RNF150: variants seen among roughly 807,000 people sequenced by gnomAD.
RNF150 encodes ring finger protein 150.
Under a neutral mutation model 39.3 loss-of-function variants are expected in RNF150, and 24 were observed. The ratio of observed to expected loss-of-function variants is 0.61; its 90% CI spans 0.44 to 0.86. The LOEUF is 0.86. RNF150 is among the 40% of genes least tolerant of loss of function. The pLI is 0.00. For synonymous variants in RNF150, 255 were observed against 227.3 expected (o/e 1.12, Z -1.10); for missense variants, 502 against 587.8 (o/e 0.85, Z 1.51).
At chr4:141,205,350 A>G (rs2111223110) in intron 1 of RNF150, among the ~76,000 whole-genome samples, 1 of 152,310 alleles carries the variant, frequency 6.6e-6, no homozygotes, top group African/African-American at 2.4e-5. Flanking sequence ...CTTTCAGGCT[A>G]TTATAAATCT....
At chr4:141,086,802 T>C (rs1444300885) in intron 1 of RNF150, among the ~76,000 whole-genome samples, 1 of 151,782 alleles carries the variant, frequency 6.6e-6, no homozygotes, top group Non-Finnish European at 1.5e-5. Context: ...TAAATAGAAT[T>C]GACACTTCCT....
intron 1 of RNF150, among the ~76,000 whole-genome samples, chr4:141,064,864 T>C (rs893441055): frequency 5.9e-5 from 9 of 152,020 alleles, no homozygotes; most frequent in African/African-American, 2.2e-4. Context: ...TGACAATTTT[T>C]GTTTGTTTGT....
intron 1 of RNF150, among the ~76,000 whole-genome samples, chr4:141,113,499 G>A (rs1739457486): frequency 6.6e-6 from 1 of 152,036 alleles, no homozygotes. Flanking sequence ...CCCATTACAG[G>A]AACACCCAGA....
At chr4:141,057,566 C>T (rs746846103) in intron 1 of RNF150, among the ~76,000 whole-genome samples, 50 of 152,018 alleles carry the variant, frequency 3.3e-4, no homozygotes, top group Admixed American at 1.2e-3. Context: ...CCTCCGAGTC[C>T]CCAAAGTCCA....
intron 5 of RNF150, among the ~76,000 whole-genome samples, chr4:140,920,020 G>C (rs548772062): frequency 6.6e-6 from 1 of 151,936 alleles, no homozygotes; most frequent in African/African-American, 2.4e-5. Context: ...TCCTTACGTC[G>C]TATACAAAAA....
intron 1 of RNF150, among the ~76,000 whole-genome samples, chr4:141,116,416 A>G (rs984472717): frequency 6.6e-6 from 1 of 152,376 alleles, no homozygotes; most frequent in Non-Finnish European, 1.5e-5. Context: ...TCATTAGAGG[A>G]ATGCAAATCA....
intron 1 of RNF150, among the ~76,000 whole-genome samples, chr4:141,084,606 T>TTC (rs1488941450): frequency 6.6e-6 from 1 of 152,218 alleles, no homozygotes; most frequent in Admixed American, 6.5e-5. Context: ...ACGCGCAGGC[T>TTC]TCTGATCAGC....
At chr4:141,185,279 C>T (rs879395291) in intron 1 of RNF150, among the ~76,000 whole-genome samples, 1 of 151,982 alleles carries the variant, frequency 6.6e-6, no homozygotes, top group Admixed American at 6.6e-5. Flanking sequence ...GTATTTTATT[C>T]TCTTTGTAGC....
At chr4:141,137,724 T>G (rs964609099), upstream of RNF150, among the ~76,000 whole-genome samples, 1 of 152,234 alleles carries the variant, frequency 6.6e-6, no homozygotes, top group African/African-American at 2.4e-5. Context: ...GAATAATTTT[T>G]AAGTTATCGA....
At chr4:141,147,127 GTAT>G (rs1727218430) in intron 1 of RNF150, among the ~76,000 whole-genome samples, 1 of 152,154 alleles carries the variant, frequency 6.6e-6, no homozygotes, top group African/African-American at 2.4e-5. Context: ...GCTAATCATT[GTAT>G]TATTCACAGA....
chr4:141,042,843 C>A (rs1736421823), intron 1 of RNF150, among the ~76,000 whole-genome samples: 1 of 152,024 alleles, frequency 6.6e-6, no homozygotes, highest in Non-Finnish European at 1.5e-5. Context: ...ATTCCAAATG[C>A]ACACACATAA....
chr4:140,994,192 C>T (rs1734284800), intron 1 of RNF150, among the ~76,000 whole-genome samples: 1 of 152,138 alleles, frequency 6.6e-6, no homozygotes, highest in African/African-American at 2.4e-5. Flanking sequence ...GAGTGGAAAT[C>T]CAAGGTCATG....
In RNF150 at chr4:141,132,981, G is replaced by T; in HGVS notation, c.-173C>A. 1 of 567,062 alleles carries T rather than the reference G, an allele frequency of 1.8e-6. No homozygotes were observed. The highest frequency in any genetic ancestry group is 3.0e-6 in the Non-Finnish European group (1 of 330,946). The allele number at this position is 567,062 out of a possible 1,614,324, so 35.1% of individuals were successfully genotyped here. A position where few individuals can be genotyped will look rare whatever the true frequency, so the allele number is the denominator to read the frequency against. On this transcript the variant is annotated 5_prime_UTR_variant, in exon 1 of 7. Transcript: ENST00000515673. The surrounding 1 kb of genome is among the most constrained non-coding windows in gnomAD (Gnocchi z 4.9). The stretch of plus-strand genomic sequence containing the variant: ...GCCGCGGGGACCGGATTCCGGGCGA[G>T]CGGATGGCGCTGGCCCCTTCCCCTC...
At chr4:141,083,533 G>A (rs1382899763) in intron 1 of RNF150, among the ~76,000 whole-genome samples, 1 of 152,156 alleles carries the variant, frequency 6.6e-6, no homozygotes, top group African/African-American at 2.4e-5. Context: ...GAAGTCACAG[G>A]AGGTGTTGAA....
chr4:141,098,397 A>C (rs1316321783), intron 1 of RNF150, among the ~76,000 whole-genome samples: 5 of 152,240 alleles, frequency 3.3e-5, no homozygotes, highest in Non-Finnish European at 7.3e-5. Context: ...AGCACAGCCA[A>C]GACTCCGTAA....
chr4:141,074,938 C>T (rs1350365957), intron 1 of RNF150, among the ~76,000 whole-genome samples: 1 of 152,212 alleles, frequency 6.6e-6, no homozygotes, highest in Non-Finnish European at 1.5e-5. Context: ...CTAACCAGCA[C>T]ATTACATATT....
intron 1 of RNF150, among the ~76,000 whole-genome samples, chr4:140,980,688 T>C (rs1733830614): frequency 6.6e-6 from 1 of 152,126 alleles, no homozygotes; most frequent in Non-Finnish European, 1.5e-5. Context: ...TCAGCTCTCA[T>C]TCTTCTCCTT....
At chr4:140,911,549 CA>C (rs1730606871) in intron 5 of RNF150, among the ~76,000 whole-genome samples, 195 bp from the exon 6 acceptor site, 1 of 151,958 alleles carries the variant, frequency 6.6e-6, no homozygotes, top group African/African-American at 2.4e-5. Flanking sequence ...ATTTCCTTTC[CA>C]AAGGTTCATT....
chr4:141,056,682 CTT>C (rs1736986485), intron 1 of RNF150, among the ~76,000 whole-genome samples: 1 of 151,968 alleles, frequency 6.6e-6, no homozygotes, highest in African/African-American at 2.4e-5. Context: ...ATCCTCAGCT[CTT>C]TCCTCAGTAG....
Sources: allele counts gnomAD v4.1 joint callset (sites outside exome capture counted in the v4.1 genomes callset), GRCh38; gene constraint gnomAD v4.1.1; non-coding constraint Gnocchi (gnomAD v3.1); transcripts MANE v1.5; gene names NCBI Gene and HGNC (gene_info 2026-07-23, HGNC 2026-07-21).